The following IL1RN variants were observed in gnomAD, a reference collection of about 807,000 sequenced individuals.
The protein encoded by IL1RN is interleukin-1 receptor antagonist protein.
Under a neutral mutation model 13.7 loss-of-function variants are expected in IL1RN, and 10 were observed. That is an observed-to-expected ratio of 0.73 (90% CI 0.45 to 1.24). The LOEUF (loss-of-function observed/expected upper bound fraction) is 1.24. Ranked by LOEUF, IL1RN falls within the 50% of genes most tolerant of loss-of-function variation. The probability of loss-of-function intolerance (pLI) is 0.00; values close to 1 mark genes in which losing one functional copy is unlikely to be tolerated. For synonymous variants in IL1RN, 102 were observed against 82.7 expected (o/e 1.23, Z -1.27); for missense variants, 213 against 222.1 (o/e 0.96, Z 0.26).
At chr2:113,117,713 T>C, upstream of IL1RN, 1 of 549,320 alleles carries the variant, frequency 1.8e-6, no homozygotes, top group Non-Finnish European at 3.3e-6. Context: ...CCTCCCATCT[T>C]ACGCAGATAA....
At position 113,132,694 on chromosome 2, in the gene IL1RN, G is replaced by C; in HGVS notation, c.357G>C (p.Gln119His). 1 of 1,614,236 alleles carries C rather than the reference G, an allele frequency of 6.2e-7. No individual in the cohort carries two copies. Among genetic ancestry groups the C allele is most frequent in the Non-Finnish European group, 8.5e-7 (1 of 1,180,038 alleles). ...NITDLSENRK[Q>H]DKRFAFIRSD... ...CTGACCTGAGCGAGAACAGAAAGCAGGACAAGCGCTTCGCCTTCATCCGCT... is the reference window on the plus strand; with the variant it reads ...CTGACCTGAGCGAGAACAGAAAGCACGACAAGCGCTTCGCCTTCATCCGCT... Residue 119 changes from glutamine (Q) to histidine (H), a missense_variant, in exon 4 of 4, where the codon CAG (glutamine) becomes CAC (histidine). Physicochemically the swap from Gln to His is conservative, Grantham distance 24 (BLOSUM62 0). Coordinates refer to ENST00000409930, the MANE Select transcript of IL1RN (RefSeq NM_173842.3).
chr2:113,122,607 A>G (rs1686814783), upstream of IL1RN, among the ~76,000 whole-genome samples: 1 of 152,218 alleles, frequency 6.6e-6, no homozygotes, highest in Admixed American at 6.5e-5. Context: ...GACCCTATCC[A>G]AGTTTAATCC....
upstream of IL1RN, among the ~76,000 whole-genome samples, chr2:113,117,065 C>T (rs4251962): frequency 6.0e-3 from 911 of 152,334 alleles, 8 homozygotes; most frequent in African/African-American, 0.021. Flanking sequence ...TGTGAGTTGT[C>T]TGCTCCCTGA....
At chr2:113,123,664 G>A (rs1323012932), upstream of IL1RN, among the ~76,000 whole-genome samples, 1 of 152,200 alleles carries the variant, frequency 6.6e-6, no homozygotes, top group African/African-American at 2.4e-5. Flanking sequence ...GTATTCAGCA[G>A]TCAGTAAAAA....
chr2:113,120,137 T>A, intron 2 of IL1RN: 1 of 1,604,516 alleles, frequency 6.2e-7, no homozygotes, highest in Non-Finnish European at 8.5e-7. Context: ...GGGTAAATTA[T>A]TTTTAGGATC....
At chr2:113,118,170 G>A in intron 1 of IL1RN, 1 of 1,334,606 alleles carries the variant, frequency 7.5e-7, no homozygotes, top group Non-Finnish European at 1.1e-6. Context: ...GGCCTGTCTG[G>A]GGGATCTGGG....
At position 113,132,940 on chromosome 2, in the gene IL1RN, C is replaced by G. The variant is rs45494692; in HGVS notation, c.*69C>G. 609 of 1,489,400 alleles carry G rather than the reference C, an allele frequency of 4.1e-4. 1 individual carries two copies. The highest frequency in any genetic ancestry group is 4.6e-4 in the Non-Finnish European group (492 of 1,067,752). The allele number at this position is 1,489,400 out of a possible 1,614,324, so 92.3% of individuals were successfully genotyped here. A position where few individuals can be genotyped will look rare whatever the true frequency, so the allele number is the denominator to read the frequency against. ...TGCAGGGACTGCCAGTCCCCCTGCC[C>G]CAGGGCTCCCGGCTATGGGGGCACT... On this transcript the variant is annotated 3_prime_UTR_variant, in exon 4 of 4. Coordinates refer to ENST00000409930, the MANE Select transcript of IL1RN (RefSeq NM_173842.3).
At chr2:113,112,114 C>T (rs1338436001) in intron 1 of IL1RN, among the ~76,000 whole-genome samples, 2 of 152,236 alleles carry the variant, frequency 1.3e-5, no homozygotes, top group African/African-American at 2.4e-5. Flanking sequence ...AGGCCAGTCT[C>T]TCCAGGAATT....
chr2:113,115,114 C>G (rs1686568219), upstream of IL1RN, among the ~76,000 whole-genome samples: 1 of 152,184 alleles, frequency 6.6e-6, no homozygotes, highest in South Asian at 2.1e-4. Flanking sequence ...AACAAGTTGG[C>G]AAACAACTCA....
At chr2:113,112,319 A>G (rs1294980576) in intron 1 of IL1RN, among the ~76,000 whole-genome samples, 1 of 152,182 alleles carries the variant, frequency 6.6e-6, no homozygotes, top group Non-Finnish European at 1.5e-5. Context: ...AGGACCCTAT[A>G]ATTAAAATCA....
chr2:113,120,086 G>A, exon 2 of IL1RN: 1 of 1,613,420 alleles, frequency 6.2e-7, no homozygotes, highest in Non-Finnish European at 8.5e-7. Flanking sequence ...TGAAGAAGGA[G>A]GTGGAGGAGG....
At chr2:113,128,805 C>T (rs890103520) in intron 1 of IL1RN, among the ~76,000 whole-genome samples, 5 of 152,168 alleles carry the variant, frequency 3.3e-5, no homozygotes, top group African/African-American at 1.2e-4. Context: ...GTCAGGCTGG[C>T]CAGAGCTCTG....
In IL1RN at chr2:113,131,111, G is replaced by T. The variant is rs201638660; in HGVS notation, c.272G>T (p.Cys91Phe). Reference sequence around the variant, plus strand: ...TTGGGAATCCATGGAGGGAAGATGTGCCTGTCCTGTGTCAAGTCTGGTGAT... The same window carrying T: ...TTGGGAATCCATGGAGGGAAGATGTTCCTGTCCTGTGTCAAGTCTGGTGAT... ...LFLGIHGGKMCLSCVKSGDET... is the reference protein window; with the variant it reads ...LFLGIHGGKMFLSCVKSGDET... The change falls in exon 3 of 4, where the codon TGC becomes TTC. Residue 91 changes from cysteine to phenylalanine, a missense_variant. Coordinates refer to ENST00000409930, the MANE Select transcript of IL1RN (RefSeq NM_173842.3). 343 of 1,613,762 alleles carry T rather than the reference G, an allele frequency of 2.1e-4. No homozygotes were observed. The highest frequency in any genetic ancestry group is 4.9e-4 in the Middle Eastern group (3 of 6,062).
chr2:113,125,301 T>G (rs1686917460), upstream of IL1RN, among the ~76,000 whole-genome samples: 2 of 152,222 alleles, frequency 1.3e-5, no homozygotes, highest in Admixed American at 1.3e-4. Flanking sequence ...GTAGACAGGT[T>G]CATATACATC....
chr2:113,129,654 C>A lies in IL1RN; in HGVS notation c.195C>A (p.Val65=). ...LVAGYLQGPN[V]NLEEKIDVVP... ...CTGGATACTTGCAAGGACCAAATGT[C>A]AATTTAGAAGGTGAGTGGTTGCCAG... Residue 65 remains valine, a synonymous_variant, in exon 2 of 4, where the codon GTC becomes GTA. Transcript: ENST00000409930. 4 of 1,609,024 alleles carry A rather than the reference C, an allele frequency of 2.5e-6. No individual in the cohort carries two copies. The highest frequency in any genetic ancestry group is 1.1e-5 in the South Asian group (1 of 90,940).
rs4252011 is a variant in IL1RN at position 113,129,689 on chromosome 2, T to C, written c.205+25T>C. The C allele has an allele frequency of 1.6e-4, 237 of 1,466,658 alleles. No individual in the cohort carries two copies. In the African/African-American group the frequency reaches 2.7e-3, roughly 17 times the overall value. The allele number at this position is 1,466,658 out of a possible 1,614,324, so 90.9% of individuals were successfully genotyped here. A position where few individuals can be genotyped will look rare whatever the true frequency, so the allele number is the denominator to read the frequency against. On this transcript the variant is annotated intron_variant, in intron 2 of 3. Transcript: ENST00000409930. ...GGTGAGTGGTTGCCAGGAAAGCCAA[T>C]GTATGTGGGCATCACGTCACTTTGC...
rs1011480433 is a variant in IL1RN at position 113,129,598 on chromosome 2, AC to A, written c.141del (p.Phe48SerfsTer3). 2.5e-6 allele frequency: 4 copies of A among 1,611,152 alleles called. No individual in the cohort carries two copies. The highest frequency in any genetic ancestry group is 3.4e-6 in the Non-Finnish European group (4 of 1,177,250). On this transcript the variant is annotated frameshift_variant, in exon 2 of 4. Transcript: ENST00000409930. LOFTEE classifies it high-confidence loss of function. ...CAGAATCTGGGATGTTAACCAGAAG[AC>A]CTTCTATCTGAGGAACAACCAACTA... is the stretch of plus-strand genomic sequence containing the variant. ...AFRIWDVNQK[T>X]FYLRNNQLVA...
upstream of IL1RN, among the ~76,000 whole-genome samples, chr2:113,116,015 C>T (rs1308915546): frequency 6.6e-6 from 1 of 152,180 alleles, no homozygotes; most frequent in Non-Finnish European, 1.5e-5. Context: ...TTAAATAATG[C>T]CAACCACATG....
At chr2:113,125,604 C>G (rs549135144), upstream of IL1RN, among the ~76,000 whole-genome samples, 7 of 152,232 alleles carry the variant, frequency 4.6e-5, no homozygotes, top group Non-Finnish European at 2.9e-5. Flanking sequence ...GAAGGATTAA[C>G]TCTCTGGACA....
Sources: gnomAD v4.1 joint callset for allele counts (sites outside exome capture counted in the v4.1 genomes callset) on GRCh38, gnomAD v4.1.1 for gene constraint, MANE v1.5 for transcripts, NCBI Gene and HGNC (gene_info 2026-07-23, HGNC 2026-07-21) for gene names.